Variants in TMEM182 observed in about 807,000 individuals in gnomAD.
TMEM182 encodes the protein transmembrane protein 182.
TMEM182 carries 20 observed loss-of-function variants against 26.8 expected under a neutral mutation model. The ratio of observed to expected loss-of-function variants is 0.75; its 90% CI spans 0.53 to 1.09. The LOEUF is 1.09. Ranked by LOEUF, TMEM182 falls within the 50% of genes least tolerant of loss-of-function variation. TMEM182 has a pLI of 0.00. For missense variants in TMEM182, 277 were observed against 275.5 expected (o/e 1.01, Z -0.04); for synonymous variants, 109 against 102.2 (o/e 1.07, Z -0.40).
chr2:102,813,737 G>C (rs987888343), intron 4 of TMEM182, among the ~76,000 whole-genome samples: 2 of 152,158 alleles, frequency 1.3e-5, no homozygotes, highest in Admixed American at 1.3e-4. Flanking sequence ...GATTCACAGA[G>C]CTTTTCTGTC....
At chr2:102,788,805 G>A (rs567448815) in intron 3 of TMEM182, among the ~76,000 whole-genome samples, 2 of 152,238 alleles carry the variant, frequency 1.3e-5, no homozygotes, top group African/African-American at 2.4e-5. Flanking sequence ...GTTTAAGGGT[G>A]GGAGGTTAAT....
At chr2:102,750,103 T>C (rs1679835823) in intron 1 of TMEM182, among the ~76,000 whole-genome samples, 1 of 152,164 alleles carries the variant, frequency 6.6e-6, no homozygotes, top group South Asian at 2.1e-4. Context: ...AAAAGCATTT[T>C]TTTGCTTAAG....
In TMEM182 at chr2:102,748,310, A is replaced by G. The variant is rs373346361; in HGVS notation, c.-82-10079A>G. On this transcript the variant is annotated intron_variant, in intron 1 of 5. Coordinates refer to the TMEM182 transcript ENST00000409173. ...AGCTGGTTCTCTTGGCTCTGGGTCT[A>G]TCTAGTCCTGTGAGTGGCCCTCTCA... 2.2e-4 allele frequency among the ~76,000 whole-genome samples: 33 copies of G among 152,312 alleles called. No individual in the cohort carries two copies. The East Asian group carries it at 2.5e-3, about 12-fold the overall frequency.
chr2:102,805,923 C>T (rs1023966660), intron 4 of TMEM182, among the ~76,000 whole-genome samples: 13 of 152,038 alleles, frequency 8.6e-5, no homozygotes, highest in African/African-American at 3.1e-4. Context: ...CAAAAAAAAC[C>T]CATACTGTCT....
At chr2:102,758,552 G>C, upstream of TMEM182, 1 of 711,882 alleles carries the variant, frequency 1.4e-6, no homozygotes, top group Non-Finnish European at 2.6e-6. Flanking sequence ...ATCTGTACAG[G>C]AAACATGCAC....
At chr2:102,819,444 T>C (rs553553550), downstream of TMEM182, among the ~76,000 whole-genome samples, 9 of 152,314 alleles carry the variant, frequency 5.9e-5, no homozygotes, top group East Asian at 1.5e-3. Context: ...CTGAAAGATA[T>C]GTGAAGTAGA....
intron 3 of TMEM182, among the ~76,000 whole-genome samples, chr2:102,776,777 A>G (rs1254777066): frequency 6.6e-6 from 1 of 152,188 alleles, no homozygotes; most frequent in Non-Finnish European, 1.5e-5. Flanking sequence ...CCAGTAATGA[A>G]TGAGTTACTG....
intron 3 of TMEM182, among the ~76,000 whole-genome samples, chr2:102,829,087 G>C (rs1483846351): frequency 6.6e-6 from 1 of 152,228 alleles, no homozygotes. Flanking sequence ...AATGCATCCT[G>C]ATGAGCAAGT....
chr2:102,787,060 CA>C (rs1284343204), intron 3 of TMEM182, among the ~76,000 whole-genome samples: 2 of 152,152 alleles, frequency 1.3e-5, no homozygotes, highest in African/African-American at 2.4e-5. Context: ...AAGGGTATTC[CA>C]ACTCTTGAAT....
In TMEM182 at chr2:102,753,201, C is replaced by A. The variant is rs560688289; in HGVS notation, c.-82-5188C>A. Among the ~76,000 whole-genome samples, 159 of 81,670 alleles carry A rather than the reference C, an allele frequency of 1.9e-3. 1 individual carries two copies. The highest frequency in any genetic ancestry group is 7.4e-3 in the African/African-American group (138 of 18,716). The allele number at this position is 81,670 out of a possible 152,430, so 53.6% of individuals were successfully genotyped here. A position where few individuals can be genotyped will look rare whatever the true frequency, so the allele number is the denominator to read the frequency against. On this transcript the variant is annotated intron_variant, in intron 1 of 5. Transcript: ENST00000409173. ...ACAAATGAGTTTTAAGCTTCCCCCC[C>A]CCACTGCCTTCAAGAGTTACTATAC... is the stretch of plus-strand genomic sequence containing the variant.
chr2:102,791,719 C>A (rs1681647676), intron 3 of TMEM182, among the ~76,000 whole-genome samples: 1 of 152,126 alleles, frequency 6.6e-6, no homozygotes, highest in African/African-American at 2.4e-5. Context: ...CATTGTAAAT[C>A]TTGCTTCATG....
At chr2:102,776,593 G>A (rs1371345354) in intron 3 of TMEM182, among the ~76,000 whole-genome samples, 2 of 152,072 alleles carry the variant, frequency 1.3e-5, no homozygotes, top group Non-Finnish European at 2.9e-5. Flanking sequence ...TGTAAGCTTT[G>A]GCAATTATTA....
In TMEM182 at chr2:102,803,874, C is replaced by T. The variant is rs566119862; in HGVS notation, c.469+5874C>T. On this transcript the variant is annotated intron_variant, in intron 4 of 4. Transcript: ENST00000412401. Reference sequence around the variant, plus strand: ...TGCAGGCACACGCAGCCCTGCCGTCCACACCTGCAGGCACACGCAGCCCTG... The same window carrying T: ...TGCAGGCACACGCAGCCCTGCCGTCTACACCTGCAGGCACACGCAGCCCTG... Among the ~76,000 whole-genome samples, 14 of 151,122 alleles carry T rather than the reference C, an allele frequency of 9.3e-5. No individual in the cohort carries two copies. The South Asian group carries it at 3.0e-3, about 32-fold the overall frequency.
intron 1 of TMEM182, among the ~76,000 whole-genome samples, chr2:102,743,157 C>T (rs749064842): frequency 6.6e-5 from 10 of 152,058 alleles, no homozygotes; most frequent in African/African-American, 9.7e-5. Context: ...GGGAGCATTT[C>T]GAAATACAAA....
At chr2:102,777,151 A>G (rs1680952544) in intron 3 of TMEM182, among the ~76,000 whole-genome samples, 1 of 152,056 alleles carries the variant, frequency 6.6e-6, no homozygotes, top group African/African-American at 2.4e-5. Context: ...TTAAATTTTA[A>G]TAAAGTCCAA....
upstream of TMEM182, among the ~76,000 whole-genome samples, chr2:102,760,941 C>T (rs1427090391): frequency 6.6e-6 from 1 of 152,110 alleles, no homozygotes; most frequent in African/African-American, 2.4e-5. Context: ...TAGCTACATC[C>T]TAACAGGGCC....
At chr2:102,772,836 C>A (rs959035751) in intron 3 of TMEM182, among the ~76,000 whole-genome samples, 4 of 152,074 alleles carry the variant, frequency 2.6e-5, no homozygotes, top group Admixed American at 2.0e-4. Context: ...GTCAGCTATT[C>A]TTATGATGAT....
In TMEM182 at chr2:102,827,347, C is replaced by A. The variant is rs1377110456; in HGVS notation, c.326-16065C>A. 4.6e-5 allele frequency among the ~76,000 whole-genome samples: 7 copies of A among 152,320 alleles called. No homozygotes were observed. The South Asian group carries it at 1.5e-3, about 32-fold the overall frequency. On this transcript the variant is annotated intron_variant, in intron 3 of 3. Transcript: ENST00000486293. Reference sequence around the variant, plus strand: ...TTGTCAGTCTGATATACTATACTACCAGATATGTTAGATTTTCCTTCCTTC... The same window carrying A: ...TTGTCAGTCTGATATACTATACTACAAGATATGTTAGATTTTCCTTCCTTC...
intron 4 of TMEM182, among the ~76,000 whole-genome samples, chr2:102,804,619 G>A (rs1357506942): frequency 6.6e-6 from 1 of 152,042 alleles, no homozygotes; most frequent in Non-Finnish European, 1.5e-5. Context: ...ACTTTCCCTG[G>A]TATGTGACAA....
Sources: gnomAD v4.1 joint callset for allele counts (sites outside exome capture counted in the v4.1 genomes callset) on GRCh38, gnomAD v4.1.1 for gene constraint, MANE v1.5 for transcripts, NCBI Gene and HGNC (gene_info 2026-07-23, HGNC 2026-07-21) for gene names.